FXR1: variants seen among roughly 807,000 people sequenced by gnomAD.
The protein encoded by FXR1 is FMR1 autosomal homolog 1.
FXR1 carries 15 observed loss-of-function variants against 84.0 expected under a neutral mutation model. That is an observed-to-expected ratio of 0.18 (90% confidence interval 0.12 to 0.27). The LOEUF is 0.27. Among genes scored for constraint, FXR1 ranks in the 10% least tolerant of loss-of-function variants. The pLI is 1.00. For synonymous variants in FXR1, 245 were observed against 250.7 expected (o/e 0.98, Z 0.21); for missense variants, 480 against 774.4 (o/e 0.62, Z 4.51).
At chr3:180,928,167 C>T (rs1719453178) in intron 1 of FXR1, among the ~76,000 whole-genome samples, 2 of 151,306 alleles carry the variant, frequency 1.3e-5, no homozygotes, top group Admixed American at 6.6e-5. Context: ...TCTGTTTTCC[C>T]CAAGAATTAT....
chr3:180,974,836 TA>T (rs956782721), intron 15 of FXR1, among the ~76,000 whole-genome samples: 47 of 151,180 alleles, frequency 3.1e-4, no homozygotes, highest in African/African-American at 9.5e-4. Flanking sequence ...AATTGTGCTT[TA>T]AAAAAAAACA....
At position 180,970,263 on chromosome 3, in the gene FXR1, G is replaced by A. The variant is rs143480969; in HGVS notation, c.1508G>A (p.Arg503His). Residue 503 changes from arginine (R) to histidine (H), a missense_variant, in exon 15 of 17, where the codon CGT becomes CAT. Physicochemically the swap from Arg to His is conservative, Grantham distance 29 (BLOSUM62 0). Transcript: ENST00000357559. The stretch of plus-strand genomic sequence containing the variant: ...GAATCTCATCACAGTACTAACCGTC[G>A]TAGGCGGTCTCGTAGACGAAGGACT... ...ASESHHSTNRRRRSRRRRTDE... is the reference protein window; with the variant it reads ...ASESHHSTNRHRRSRRRRTDE... The A allele has an allele frequency of 7.5e-6, 12 of 1,599,382 alleles. No individual in the cohort carries two copies. The highest frequency in any genetic ancestry group is 5.5e-5 in the South Asian group (5 of 90,754).
chr3:180,929,661 G>T (rs1235787993), intron 1 of FXR1, among the ~76,000 whole-genome samples: 1 of 152,140 alleles, frequency 6.6e-6, no homozygotes, highest in African/African-American at 2.4e-5. Flanking sequence ...GTCTCCTATC[G>T]GATTTTGGCG....
chr3:180,926,498 A>T (rs1335304826), intron 1 of FXR1, among the ~76,000 whole-genome samples: 82 of 68,082 alleles, frequency 1.2e-3, no homozygotes, highest in African/African-American at 7.8e-3. Context: ...ATATATATAT[A>T]TATATATATT....
Position 180,981,759 on chromosome 3 carries a change from T to C in FXR1, c.*5467T>C, listed in dbSNP as rs1714620703. ...CTCTGGACTTTTGTTTCCCAAGCCA[T>C]AAAATGTGGAAGAATCTTCACAATT... is the stretch of plus-strand genomic sequence containing the variant. On this transcript the variant is annotated 3_prime_UTR_variant, in exon 17 of 17. Coordinates refer to ENST00000357559, the MANE Select transcript of FXR1 (RefSeq NM_005087.4). The C allele has an allele frequency of 6.6e-6, 1 of 152,094 alleles. No individual in the cohort carries two copies. Among genetic ancestry groups the C allele is most frequent in the African/African-American group, 2.4e-5 (1 of 41,438 alleles). The allele number at this position is 152,094 out of a possible 1,614,324, so 9.4% of individuals were successfully genotyped here. A position where few individuals can be genotyped will look rare whatever the true frequency, so the allele number is the denominator to read the frequency against.
chr3:180,948,035 A>G (rs567763643), intron 4 of FXR1, 99 bp downstream of exon 4: 5 of 708,920 alleles, frequency 7.1e-6, no homozygotes, highest in East Asian at 5.2e-5. Flanking sequence ...TTTATTTCTA[A>G]AAGCCTACCT....
chr3:180,956,354 C>G (rs571554173), intron 9 of FXR1, among the ~76,000 whole-genome samples: 14 of 152,230 alleles, frequency 9.2e-5, no homozygotes, highest in South Asian at 2.1e-4. Context: ...TCAATATGGT[C>G]TGGAATTTAA....
Position 180,963,067 on chromosome 3 carries a change from G to C in FXR1, c.1175G>C (p.Gly392Ala). The C allele has an allele frequency of 4.4e-6, 7 of 1,583,214 alleles. No homozygotes were observed. The highest frequency in any genetic ancestry group is 4.1e-5 in the African/African-American group (3 of 74,070). ...AGCGGAAGAGGCAGAGGTCGTCGGG[G>C]ACCTAATTACACCTCCGGTTATGGT... ...SYSGRGRGRR[G>A]PNYTSGYGTN... The change falls in exon 13 of 17, where the codon GGA (glycine) becomes GCA (alanine). Residue 392 changes from glycine (G) to alanine (A), a missense_variant. By Grantham distance (60) the Gly-to-Ala change is moderately conservative. Transcript: ENST00000357559.
intron 13 of FXR1, 51 bp from the exon 14 acceptor site, chr3:180,967,999 TA>T: frequency 8.3e-7 from 1 of 1,199,618 alleles, no homozygotes; most frequent in Non-Finnish European, 1.2e-6. Context: ...TTGAACATTT[TA>T]AAAGGCTTTT....
intron 1 of FXR1, among the ~76,000 whole-genome samples, chr3:180,928,531 C>T (rs1170221972): frequency 1.3e-5 from 2 of 151,718 alleles, no homozygotes; most frequent in Admixed American, 6.6e-5. Flanking sequence ...TTTATAATAT[C>T]AAGGTGTCTA....
intron 15 of FXR1, chr3:180,971,051 T>G (rs1560024230): frequency 9.7e-7 from 1 of 1,034,842 alleles, no homozygotes; most frequent in Non-Finnish European, 1.3e-6. Context: ...TCAGAATAGT[T>G]CATGGTAAAC....
At chr3:180,930,948 G>A (rs1719813046) in intron 1 of FXR1, among the ~76,000 whole-genome samples, 2 of 148,560 alleles carry the variant, frequency 1.3e-5, no homozygotes, top group South Asian at 4.3e-4. Context: ...AGGATCGCTT[G>A]AGCCAGGGAG....
At chr3:180,958,565 GTT>G (rs1711640772) in intron 10 of FXR1, among the ~76,000 whole-genome samples, 1 of 152,006 alleles carries the variant, frequency 6.6e-6, no homozygotes, top group Non-Finnish European at 1.5e-5. Flanking sequence ...ACATTATTTT[GTT>G]CCTTTTTATG....
At chr3:180,962,707 T>C (rs1316053684) in intron 11 of FXR1, among the ~76,000 whole-genome samples, 176 bp from the exon 12 acceptor site, 2 of 152,200 alleles carry the variant, frequency 1.3e-5, no homozygotes, top group Non-Finnish European at 2.9e-5. Context: ...ATTCAGTAAA[T>C]GTTGAACAGA....
At chr3:180,950,243 TATC>T (rs1433430395) in intron 7 of FXR1, among the ~76,000 whole-genome samples, 1 of 152,218 alleles carries the variant, frequency 6.6e-6, no homozygotes, top group African/African-American at 2.4e-5. Context: ...ATATGTTTAT[TATC>T]CTTAGGACAA....
At position 180,914,763 on chromosome 3, in the gene FXR1, T is replaced by TA. The variant is rs1209780286; in HGVS notation, c.51+2028dup. On this transcript the variant is annotated intron_variant, in intron 1 of 16. Coordinates refer to ENST00000357559, the MANE Select transcript of FXR1 (RefSeq NM_005087.4). ...GTTTCTACTTAGACTTTGACTCCAT[T>TA]ACTCATTTTGCCTCACAAAGTGAGT... is the stretch of plus-strand genomic sequence containing the variant. 3.2e-6 allele frequency: 3 copies of TA among 937,470 alleles called. No homozygotes were observed. In the African/African-American group the frequency reaches 5.3e-5, roughly 17 times the overall value. 58.1% of individuals were successfully genotyped at this position (937,470 alleles called of 1,614,324 possible). A position where few individuals can be genotyped will look rare whatever the true frequency, so the allele number is the denominator to read the frequency against.
chr3:180,954,987 ATTTT>A (rs35677270), intron 9 of FXR1, among the ~76,000 whole-genome samples: 1 of 132,704 alleles, frequency 7.5e-6, no homozygotes. Flanking sequence ...GTAAAAATAA[ATTTT>A]TTTTTTTTTT....
In FXR1 at chr3:180,970,387, T is replaced by TATAC. The variant is rs759527876; in HGVS notation, c.1603+32_1603+33insCATA. The TATAC allele has an allele frequency of 2.6e-4, 24 of 93,878 alleles. No homozygotes were observed. The South Asian group carries it at 8.4e-3, about 33-fold the overall frequency. 5.8% of individuals were successfully genotyped at this position (93,878 alleles called of 1,614,324 possible). On this transcript the variant is annotated intron_variant, in intron 15 of 16. Transcript: ENST00000357559. The stretch of plus-strand genomic sequence containing the variant: ...TGTAAGCACTTAGGGAAGAGAAATA[T>TATAC]ATATATATATATATATATATATATA...
At chr3:180,929,513 G>A (rs1719634454) in intron 1 of FXR1, among the ~76,000 whole-genome samples, 1 of 152,154 alleles carries the variant, frequency 6.6e-6, no homozygotes, top group South Asian at 2.1e-4. Context: ...CATGTCAAAG[G>A]CTTTGTTCTG....
Sources: allele counts gnomAD v4.1 joint callset (sites outside exome capture counted in the v4.1 genomes callset), GRCh38; gene constraint gnomAD v4.1.1; transcripts MANE v1.5; gene names NCBI Gene and HGNC (gene_info 2026-07-23, HGNC 2026-07-21).